Variants in NR5A2 observed in about 807,000 individuals in gnomAD.
The protein encoded by NR5A2 is nuclear receptor subfamily 5 group A member 2, also known as CYP7A promoter-binding factor.
NR5A2 carries 26 observed loss-of-function variants against 62.7 expected under a neutral mutation model. That is an observed-to-expected ratio of 0.41 (90% CI 0.30 to 0.58). The LOEUF (loss-of-function observed/expected upper bound fraction) is 0.58, where lower values mean the gene tolerates loss of function less well. Ranked by LOEUF, NR5A2 falls within the 20% of genes least tolerant of loss-of-function variation. The pLI is 0.22. For missense variants in NR5A2, 541 were observed against 669.1 expected, an observed-to-expected ratio of 0.81 and a Z score of 2.11; for synonymous variants, 246 against 241.7, an observed-to-expected ratio of 1.02 and a Z score of -0.16.
chr1:200,038,134 T>A (rs1661865493), intron 1 of NR5A2, among the ~76,000 whole-genome samples: 1 of 152,226 alleles, frequency 6.6e-6, no homozygotes, highest in African/African-American at 2.4e-5. Context: ...ACTTTGAAGA[T>A]GCGGCTGGGC....
chr1:200,124,707 G>A (rs1666627703), intron 7 of NR5A2, among the ~76,000 whole-genome samples: 1 of 152,270 alleles, frequency 6.6e-6, no homozygotes, highest in Non-Finnish European at 1.5e-5. Flanking sequence ...GGAGGCCAAG[G>A]TGAGAGAACT....
chr1:200,157,668 G>A (rs1455552275), intron 7 of NR5A2, among the ~76,000 whole-genome samples: 2 of 152,184 alleles, frequency 1.3e-5, no homozygotes, highest in Non-Finnish European at 2.9e-5. Context: ...CTGAGCAATT[G>A]AATGAATTAT....
intron 6 of NR5A2, among the ~76,000 whole-genome samples, chr1:200,117,045 T>G (rs1195078924): frequency 6.6e-6 from 1 of 152,218 alleles, no homozygotes; most frequent in African/African-American, 2.4e-5. Flanking sequence ...TAAAAGCAAT[T>G]TAGGTAAAAC....
chr1:200,088,672 T>A (rs375277168), intron 5 of NR5A2, among the ~76,000 whole-genome samples: 18 of 152,214 alleles, frequency 1.2e-4, no homozygotes, highest in African/African-American at 4.3e-4. Context: ...TCTCCCTGTC[T>A]GTCACCGTCC....
chr1:200,049,497 T>C (rs1662531312), intron 5 of NR5A2, among the ~76,000 whole-genome samples: 1 of 152,206 alleles, frequency 6.6e-6, no homozygotes, highest in South Asian at 2.1e-4. Context: ...ATTGTAAACA[T>C]AGTACTTGTT....
intron 7 of NR5A2, among the ~76,000 whole-genome samples, chr1:200,144,283 A>T (rs1271216334): frequency 6.6e-6 from 1 of 150,786 alleles, no homozygotes; most frequent in Non-Finnish European, 1.5e-5. Flanking sequence ...AACAACACTC[A>T]AGGCCAGGAT....
In NR5A2 at chr1:200,048,884, A is replaced by G; in HGVS notation, c.1110+66A>G. 6.5e-7 allele frequency: 1 copy of G among 1,544,788 alleles called. No homozygotes were observed. The highest frequency in any genetic ancestry group is 8.8e-7 in the Non-Finnish European group (1 of 1,131,484). The stretch of plus-strand genomic sequence containing the variant: ...GAGAGACCTAACTATGTTCCTAATT[A>G]ATACATTCTTGGTGCTGAAAATATG... On this transcript the variant is annotated intron_variant, in intron 5 of 7. Transcript: ENST00000367362. The surrounding 1 kb of genome is among the most constrained non-coding windows in gnomAD (Gnocchi z 4.8).
intron 7 of NR5A2, among the ~76,000 whole-genome samples, chr1:200,134,790 T>A (rs1001373779): frequency 2.0e-5 from 3 of 152,252 alleles, no homozygotes; most frequent in African/African-American, 7.2e-5. Context: ...AAAATTGTGA[T>A]AAAATCTACA....
At chr1:200,073,234 AC>A in intron 5 of NR5A2, among the ~76,000 whole-genome samples, 4 of 84,240 alleles carry the variant, frequency 4.7e-5, no homozygotes, top group African/African-American at 1.4e-4. Context: ...GCATTTACAT[AC>A]ATATATATAT....
Position 200,155,244 on chromosome 1 carries a change from T to C in NR5A2, c.1379-18719T>C, listed in dbSNP as rs541287919. Among the ~76,000 whole-genome samples, 869 of 152,344 alleles carry C rather than the reference T, an allele frequency of 5.7e-3. 7 individuals carry two copies. Among genetic ancestry groups the C allele is most frequent in the African/African-American group, 0.02 (830 of 41,584 alleles). ...CATAATAATCACATCAGATAAACAG[T>C]TGTTCTGTGCACACAATCTAACATT... On this transcript the variant is annotated intron_variant, in intron 7 of 7. Transcript: ENST00000367362.
intron 1 of NR5A2, chr1:200,038,555 C>T (rs1661889869): frequency 6.2e-6 from 3 of 484,330 alleles, no homozygotes; most frequent in South Asian, 4.8e-5. Flanking sequence ...GACCGCAGAC[C>T]AACTCTGCAT....
Position 200,177,301 on chromosome 1 carries a change from C to G in NR5A2, c.*3091C>G, listed in dbSNP as rs1654464646. 1 of 152,578 alleles carries G rather than the reference C, an allele frequency of 6.6e-6. No homozygotes were observed. The highest frequency in any genetic ancestry group is 1.5e-5 in the Non-Finnish European group (1 of 68,020). 9.5% of individuals were successfully genotyped at this position (152,578 alleles called of 1,614,324 possible). On this transcript the variant is annotated 3_prime_UTR_variant, in exon 8 of 8. Transcript: ENST00000367362. ...GAAGTCAGTTACTTGTTGATGTTTTCTTACTGTATCAATGAAATACATATT... is the reference window on the plus strand; with the variant it reads ...GAAGTCAGTTACTTGTTGATGTTTTGTTACTGTATCAATGAAATACATATT...
intron 5 of NR5A2, among the ~76,000 whole-genome samples, chr1:200,094,798 C>T (rs141062480): frequency 0.017 from 2,646 of 152,014 alleles, 95 homozygotes; most frequent in African/African-American, 0.061. Context: ...TCCCAAAGTG[C>T]TGGGATTACA....
intron 5 of NR5A2, among the ~76,000 whole-genome samples, chr1:200,098,192 G>A (rs2102268066): frequency 6.6e-6 from 1 of 152,198 alleles, no homozygotes; most frequent in Admixed American, 6.5e-5. Flanking sequence ...AGTCTTCTGG[G>A]ACTGAGACCC....
In NR5A2 at chr1:200,120,930, G is replaced by A. The variant is rs766648764; in HGVS notation, c.1353G>A (p.Leu451=). 13 of 1,613,914 alleles carry A rather than the reference G, an allele frequency of 8.1e-6. No homozygotes were observed. The highest frequency in any genetic ancestry group is 1.0e-5 in the Non-Finnish European group (12 of 1,179,914). ...TTGATCAACGAGAGTTCGTATGTCT[G>A]AAATTCTTGGTGCTCTTTAGTTTAG... ...LQFDQREFVC[L]KFLVLFSLDV... The change falls in exon 7 of 8, where the codon CTG becomes CTA. Residue 451 remains leucine, a synonymous_variant. Coordinates refer to ENST00000367362, the MANE Select transcript of NR5A2 (RefSeq NM_205860.3).
At chr1:200,148,499 C>G (rs533687817) in intron 7 of NR5A2, among the ~76,000 whole-genome samples, 11 of 152,318 alleles carry the variant, frequency 7.2e-5, no homozygotes, top group Admixed American at 3.3e-4. Flanking sequence ...CACTCTCCCC[C>G]CAATAATCTC....
intron 5 of NR5A2, among the ~76,000 whole-genome samples, chr1:200,065,388 C>T (rs556179035): frequency 6.6e-6 from 1 of 152,274 alleles, no homozygotes; most frequent in Non-Finnish European, 1.5e-5. Flanking sequence ...AGGTGATCCA[C>T]CACCTCGGCC....
chr1:200,035,935 T>C (rs1246834102), intron 1 of NR5A2, among the ~76,000 whole-genome samples: 2 of 152,094 alleles, frequency 1.3e-5, no homozygotes, highest in African/African-American at 4.8e-5. Context: ...CACCACAGAC[T>C]CCCAGGCCTC....
Position 200,045,578 on chromosome 1 carries a change from C to A in NR5A2, c.457C>A (p.Leu153Ile). ...FQKCLSVGMKLEAVRADRMRG... is the reference protein window; with the variant it reads ...FQKCLSVGMKIEAVRADRMRG... ...AAAATGTCTAAGTGTTGGAATGAAG[C>A]TAGAAGGTAAGATTCTTCTAAAGAC... The change falls in exon 4 of 8, where the codon CTA (leucine) becomes ATA (isoleucine). Residue 153 changes from leucine to isoleucine, a missense_variant. Leu to Ile is a conservative substitution (Grantham distance 5). Transcript: ENST00000367362. The A allele has an allele frequency of 6.2e-7, 1 of 1,608,814 alleles. No individual in the cohort carries two copies.
Sources: allele counts gnomAD v4.1 joint callset (sites outside exome capture counted in the v4.1 genomes callset), GRCh38; gene constraint gnomAD v4.1.1; non-coding constraint Gnocchi (gnomAD v3.1); transcripts MANE v1.5; gene names NCBI Gene and HGNC (gene_info 2026-07-23, HGNC 2026-07-21).